Variants in MAPK10 observed in about 807,000 individuals in gnomAD.
MAPK10 encodes the protein mitogen-activated protein kinase 10, also known as JNK3 alpha protein kinase.
Under a neutral mutation model 59.3 loss-of-function variants are expected in MAPK10, and 25 were observed. The ratio of observed to expected loss-of-function variants is 0.42; its 90% CI spans 0.31 to 0.59. The LOEUF is 0.59. Among genes scored for constraint, MAPK10 ranks in the 20% least tolerant of loss-of-function variants. The probability of loss-of-function intolerance (pLI) is 0.15; values close to 1 mark genes in which losing one functional copy is unlikely to be tolerated. For missense variants in MAPK10, 351 were observed against 568.9 expected (o/e 0.62, Z 3.90); for synonymous variants, 190 against 200.5 (o/e 0.95, Z 0.44).
chr4:86,505,897 G>A (rs1755702225), intron 1 of MAPK10, among the ~76,000 whole-genome samples: 1 of 152,200 alleles, frequency 6.6e-6, no homozygotes, highest in Non-Finnish European at 1.5e-5. Context: ...TTTCTAAAGT[G>A]TATATGCTCT....
chr4:86,178,529 A>C (rs1157037637), intron 3 of MAPK10, among the ~76,000 whole-genome samples: 1 of 152,148 alleles, frequency 6.6e-6, no homozygotes, highest in African/African-American at 2.4e-5. Context: ...ATAGGTACTC[A>C]GTAAGATGTC....
rs1366923275 is a variant in MAPK10, at chr4:86,292,059, G to A, written c.-7+62471C>T. Reference sequence around the variant, plus strand: ...GACAGAAACTTACTTAGATTTTATAGTATTGCTGATTCTGAAGAGTATTTA... The same window carrying A: ...GACAGAAACTTACTTAGATTTTATAATATTGCTGATTCTGAAGAGTATTTA... On this transcript the variant is annotated intron_variant, in intron 2 of 13. Coordinates refer to ENST00000641462, the MANE Select transcript of MAPK10 (RefSeq NM_138982.4). 2.6e-5 allele frequency among the ~76,000 whole-genome samples: 4 copies of A among 152,248 alleles called. No individual in the cohort carries two copies. The East Asian group carries it at 7.7e-4, about 29-fold the overall frequency.
chr4:86,176,714 C>T (rs2075762709), intron 3 of MAPK10, among the ~76,000 whole-genome samples: 2 of 152,056 alleles, frequency 1.3e-5, no homozygotes, highest in Non-Finnish European at 1.5e-5. Context: ...TTTGCTATAA[C>T]TGTGTTCACC....
intron 9 of MAPK10, 101 bp downstream of exon 9, chr4:86,098,422 CA>C (rs2054639761): frequency 6.4e-7 from 1 of 1,552,984 alleles, no homozygotes. Context: ...ACCACTTACC[CA>C]ACTTTTTGCT....
chr4:86,380,962 C>T (rs372400351), intron 1 of MAPK10, among the ~76,000 whole-genome samples: 24 of 151,792 alleles, frequency 1.6e-4, no homozygotes, highest in Admixed American at 8.5e-4. Context: ...GTCTAATAGA[C>T]GCCTCATTTG....
chr4:86,360,834 T>C (rs1003585267), upstream of MAPK10, among the ~76,000 whole-genome samples: 1 of 152,222 alleles, frequency 6.6e-6, no homozygotes, highest in African/African-American at 2.4e-5. Context: ...TAATAGTTTC[T>C]TAGAATGACA....
chr4:86,572,573 G>A lies in MAPK10; in HGVS notation c.-263+21337C>T, dbSNP rs1761542973. Among the ~76,000 whole-genome samples the A allele has an allele frequency of 2.0e-5, 3 of 152,160 alleles. No homozygotes were observed. The South Asian group carries it at 6.2e-4, about 32-fold the overall frequency. On this transcript the variant is annotated intron_variant, in intron 1 of 4. Coordinates refer to the MAPK10 transcript ENST00000502302. The stretch of plus-strand genomic sequence containing the variant: ...AATTTCATAGTCCAGTGTTCCAACA[G>A]GCCTTACTTATAAAATACAGGTTTC...
At chr4:86,158,737 T>C (rs905364933) in intron 4 of MAPK10, among the ~76,000 whole-genome samples, 2 of 152,062 alleles carry the variant, frequency 1.3e-5, no homozygotes, top group East Asian at 3.9e-4. Flanking sequence ...TTGTCATAAT[T>C]TTAATTAGCT....
At chr4:86,512,746 A>T (rs1756373647) in intron 1 of MAPK10, among the ~76,000 whole-genome samples, 1 of 152,176 alleles carries the variant, frequency 6.6e-6, no homozygotes, top group Non-Finnish European at 1.5e-5. Context: ...TTTTGTTCTG[A>T]AGCCCTGAAA....
chr4:86,349,493 T>C (rs574984855), intron 2 of MAPK10, among the ~76,000 whole-genome samples: 24 of 152,274 alleles, frequency 1.6e-4, no homozygotes, highest in Admixed American at 5.9e-4. Flanking sequence ...TTGCTCAAAA[T>C]ACCCCCTGGC....
At chr4:86,100,865 C>G (rs1003766088) in intron 8 of MAPK10, 187 bp downstream of exon 8, 20 of 517,830 alleles carry the variant, frequency 3.9e-5, no homozygotes, top group African/African-American at 3.6e-4. Context: ...ACTGACTTCT[C>G]AATAACATCC....
intron 2 of MAPK10, among the ~76,000 whole-genome samples, chr4:86,342,718 ACTCT>A (rs1009466181): frequency 6.6e-6 from 1 of 151,808 alleles, no homozygotes; most frequent in African/African-American, 2.4e-5. Flanking sequence ...CTTGAGTGAA[ACTCT>A]CTCATTTACA....
chr4:86,244,550 T>C (rs116183197), intron 2 of MAPK10, among the ~76,000 whole-genome samples: 1 of 152,292 alleles, frequency 6.6e-6, no homozygotes, highest in African/African-American at 2.4e-5. Context: ...CAGTTCTTAA[T>C]AATAGCATCC....
chr4:86,033,308 G>C (rs1224525397), intron 11 of MAPK10, among the ~76,000 whole-genome samples: 3 of 152,202 alleles, frequency 2.0e-5, no homozygotes. Context: ...CGCTATCCAA[G>C]CGACCTTGTC....
intron 1 of MAPK10, among the ~76,000 whole-genome samples, chr4:86,425,992 G>A (rs1319273418): frequency 1.3e-5 from 2 of 152,084 alleles, no homozygotes; most frequent in African/African-American, 4.8e-5. Context: ...ATCCTTTTCT[G>A]TGATTCAGTC....
rs112963870 is a variant in MAPK10 at position 86,157,320 on chromosome 4, C to T, written c.236+1978G>A. 3.7e-3 allele frequency among the ~76,000 whole-genome samples: 563 copies of T among 152,078 alleles called. 4 individuals are homozygous for T. Among genetic ancestry groups the T allele is most frequent in the Non-Finnish European group, 6.6e-3 (448 of 67,906 alleles). ...TGCTTGAAAAGCAGAATTTCTCTTGCATACACATGCAAAATTACATGCGGT... is the reference window on the plus strand; with the variant it reads ...TGCTTGAAAAGCAGAATTTCTCTTGTATACACATGCAAAATTACATGCGGT... On this transcript the variant is annotated intron_variant, in intron 4 of 13. Transcript: ENST00000641462.
intron 4 of MAPK10, chr4:86,120,226 T>C (rs1158899349): frequency 2.0e-5 from 3 of 152,200 alleles, no homozygotes; most frequent in Non-Finnish European, 4.4e-5. Context: ...CTAACCTAGA[T>C]GACCAAGCCT....
At chr4:86,068,712 C>G (rs2047188717) in intron 9 of MAPK10, among the ~76,000 whole-genome samples, 2 of 151,996 alleles carry the variant, frequency 1.3e-5, no homozygotes, top group South Asian at 4.1e-4. Flanking sequence ...TGGGGAATAC[C>G]ACAGAAAAAA....
intron 1 of MAPK10, among the ~76,000 whole-genome samples, chr4:86,379,796 G>A (rs982016806): frequency 2.6e-5 from 4 of 152,000 alleles, no homozygotes; most frequent in East Asian, 1.9e-4. Context: ...ATCTCTGTTC[G>A]AGGCTCTCAG....
Sources: allele counts gnomAD v4.1 joint callset (sites outside exome capture counted in the v4.1 genomes callset), GRCh38; gene constraint gnomAD v4.1.1; transcripts MANE v1.5; gene names NCBI Gene and HGNC (gene_info 2026-07-23, HGNC 2026-07-21).